Variants in SPON1 observed in about 807,000 individuals in gnomAD.
The protein encoded by SPON1 is spondin-1.
A neutral mutation model predicts 111.7 loss-of-function variants in SPON1; 52 were observed. The observed-to-expected ratio is 0.47, with a 90% confidence interval of 0.37 to 0.59. The LOEUF is 0.59. Ranked by LOEUF, SPON1 falls within the 20% of genes least tolerant of loss-of-function variation. SPON1 has a pLI of 0.00. For synonymous variants in SPON1, 410 were observed against 395.8 expected, an observed-to-expected ratio of 1.04 and a Z score of -0.43; for missense variants, 957 against 1,068.5, an observed-to-expected ratio of 0.90 and a Z score of 1.46.
At chr11:14,088,013 C>A (rs142563411) in intron 5 of SPON1, among the ~76,000 whole-genome samples, 1 of 151,660 alleles carries the variant, frequency 6.6e-6, no homozygotes, top group Non-Finnish European at 1.5e-5. Flanking sequence ...TTTTTTTGAG[C>A]CTATGTGTGC....
At chr11:14,067,326 C>T (rs937547954) in intron 3 of SPON1, among the ~76,000 whole-genome samples, 48 of 152,274 alleles carry the variant, frequency 3.2e-4, no homozygotes, top group African/African-American at 1.1e-3. Flanking sequence ...ATCAGTTAGG[C>T]ACACATTTAA....
In SPON1 at chr11:14,140,469, A is replaced by T. The variant is rs1010114713; in HGVS notation, c.825+4901A>T. ...GAGTGCAGTGGTGCAATCTTAGCTC[A>T]CTGCAACCTCCGCCTCCTGGGTTCA... On this transcript the variant is annotated intron_variant, in intron 6 of 15. Transcript: ENST00000576479. 8.5e-5 allele frequency among the ~76,000 whole-genome samples: 13 copies of T among 152,288 alleles called. 1 individual carries two copies. The East Asian group carries it at 1.7e-3, about 20-fold the overall frequency.
intron 6 of SPON1, among the ~76,000 whole-genome samples, chr11:14,240,589 T>TTGTGTGTG (rs56265194): frequency 0.047 from 6,635 of 140,228 alleles, 179 homozygotes; most frequent in East Asian, 0.074. Flanking sequence ...AGAAGCAATA[T>TTGTGTGTG]TGTGTGTGTG....
chr11:14,080,607 G>C (rs1034599346), intron 5 of SPON1, among the ~76,000 whole-genome samples: 3 of 152,142 alleles, frequency 2.0e-5, no homozygotes, highest in Non-Finnish European at 4.4e-5. Flanking sequence ...GAGGCATTTG[G>C]TAACCTCAAT....
intron 6 of SPON1, among the ~76,000 whole-genome samples, chr11:14,179,807 AT>A (rs1848218604): frequency 6.6e-6 from 1 of 151,908 alleles, no homozygotes; most frequent in Non-Finnish European, 1.5e-5. Context: ...AAAAAAAAAA[AT>A]CTCCTTTATG....
chr11:14,165,658 G>C (rs529717157), intron 6 of SPON1, among the ~76,000 whole-genome samples: 1 of 152,152 alleles, frequency 6.6e-6, no homozygotes, highest in Non-Finnish European at 1.5e-5. Flanking sequence ...TTAGAATTTA[G>C]TCTAAACTGC....
intron 7 of SPON1, among the ~76,000 whole-genome samples, chr11:14,247,008 G>A (rs1848998821): frequency 6.6e-6 from 1 of 152,140 alleles, no homozygotes; most frequent in Non-Finnish European, 1.5e-5. Flanking sequence ...TATGTCTAAG[G>A]CACTAAAAGG....
At chr11:13,990,129 T>C (rs534864874) in intron 2 of SPON1, among the ~76,000 whole-genome samples, 1 of 152,158 alleles carries the variant, frequency 6.6e-6, no homozygotes, top group African/African-American at 2.4e-5. Flanking sequence ...TTGATCTGTC[T>C]AATATTGGCA....
chr11:13,997,342 A>G (rs1053632342), intron 2 of SPON1, among the ~76,000 whole-genome samples: 1 of 152,256 alleles, frequency 6.6e-6, no homozygotes, highest in African/African-American at 2.4e-5. Flanking sequence ...TGGAATCATT[A>G]GATCATTGGA....
At chr11:14,255,611 A>G in intron 8 of SPON1, 36 bp from the exon 9 acceptor site, 1 of 1,594,792 alleles carries the variant, frequency 6.3e-7, no homozygotes, top group Non-Finnish European at 8.6e-7. Context: ...TCCCAATTTT[A>G]TTTCTTACTC....
chr11:14,082,691 A>G (rs1264690581), intron 5 of SPON1, among the ~76,000 whole-genome samples: 7 of 152,240 alleles, frequency 4.6e-5, no homozygotes, highest in Non-Finnish European at 8.8e-5. Flanking sequence ...GTTTAAAAGG[A>G]CATGGGGAGG....
intron 6 of SPON1, among the ~76,000 whole-genome samples, chr11:14,147,097 T>G (rs1847729588): frequency 7.2e-6 from 1 of 139,634 alleles, no homozygotes; most frequent in Admixed American, 7.7e-5. Flanking sequence ...TGGTGCGATC[T>G]TGGCTCACTG....
Position 14,243,377 on chromosome 11 carries a change from G to A in SPON1, c.871G>A (p.Ala291Thr), listed in dbSNP as rs1554939890. 2 of 1,576,890 alleles carry A rather than the reference G, an allele frequency of 1.3e-6. No individual in the cohort carries two copies. The highest frequency in any genetic ancestry group is 1.7e-6 in the Non-Finnish European group (2 of 1,160,750). The change falls in exon 7 of 16, where the codon GCC (alanine) becomes ACC (threonine). Residue 291 changes from alanine to threonine, a missense_variant. By Grantham distance (58) the Ala-to-Thr change is moderately conservative (BLOSUM62 0). This residue lies in a region of SPON1 where 122 missense variants were observed against 143.2 expected (regional missense o/e 0.85). Transcript: ENST00000576479. The stretch of plus-strand genomic sequence containing the variant: ...CATCAAAGCCAAAGCCCAATGGCCA[G>A]CCTGGCAGCCTCTCAACGTGTAAGT... The part of the protein sequence containing the change: ...TVIKAKAQWP[A>T]WQPLNVRAAP...
chr11:14,264,627 C>T (rs1474541866), intron 15 of SPON1, among the ~76,000 whole-genome samples: 1 of 152,204 alleles, frequency 6.6e-6, no homozygotes, highest in African/African-American at 2.4e-5. Flanking sequence ...AGTCAACAAA[C>T]ATTCATTAAA....
intron 5 of SPON1, among the ~76,000 whole-genome samples, chr11:14,080,552 T>G (rs1009701936): frequency 1.1e-4 from 17 of 152,160 alleles, no homozygotes; most frequent in African/African-American, 3.9e-4. Flanking sequence ...TTCTTATCTG[T>G]GATTTTTAAA....
intron 6 of SPON1, among the ~76,000 whole-genome samples, chr11:14,187,685 GCA>G (rs1214585347): frequency 6.6e-6 from 1 of 152,088 alleles, no homozygotes; most frequent in East Asian, 1.9e-4. Flanking sequence ...TGCAATCTCG[GCA>G]CACTGCAACC....
At chr11:14,163,022 A>C (rs1331178374) in intron 6 of SPON1, among the ~76,000 whole-genome samples, 1 of 152,196 alleles carries the variant, frequency 6.6e-6, no homozygotes, top group African/African-American at 2.4e-5. Flanking sequence ...ATCTTTTTGA[A>C]GTCACCTTCC....
At chr11:14,079,561 C>G (rs1165661497) in intron 4 of SPON1, among the ~76,000 whole-genome samples, 1 of 152,052 alleles carries the variant, frequency 6.6e-6, no homozygotes, top group Non-Finnish European at 1.5e-5. Context: ...GGAAGGAGAC[C>G]AGGATCCGGA....
chr11:14,144,141 A>G (rs984596676), intron 6 of SPON1, among the ~76,000 whole-genome samples: 1 of 152,100 alleles, frequency 6.6e-6, no homozygotes, highest in African/African-American at 2.4e-5. Flanking sequence ...GGCTTGGAGT[A>G]TGAGCTCATT....
Sources: gnomAD v4.1 joint callset for allele counts (sites outside exome capture counted in the v4.1 genomes callset) on GRCh38, gnomAD v4.1.1 for gene constraint, gnomAD v4.1.1 regional missense constraint, MANE v1.5 for transcripts, NCBI Gene and HGNC (gene_info 2026-07-23, HGNC 2026-07-21) for gene names.